Variants in DIDO1 observed in about 807,000 individuals in gnomAD.
DIDO1 encodes death inducer-obliterator 1.
Under a neutral mutation model 99.4 loss-of-function variants are expected in DIDO1, and 16 were observed. The ratio of observed to expected loss-of-function variants is 0.16; its 90% CI spans 0.11 to 0.24. The LOEUF is 0.24. Ranked by LOEUF, DIDO1 falls within the 10% of genes least tolerant of loss-of-function variation. The probability of loss-of-function intolerance (pLI) is 1.00; values close to 1 mark genes in which losing one functional copy is unlikely to be tolerated. For missense variants in DIDO1, 2,996 were observed against 3,014.0 expected (o/e 0.99, Z 0.14); for synonymous variants, 1,366 against 1,239.1 (o/e 1.10, Z -2.15).
intron 1 of DIDO1, among the ~76,000 whole-genome samples, chr20:62,926,153 A>T: frequency 6.6e-6 from 1 of 151,400 alleles, no homozygotes; most frequent in East Asian, 1.9e-4. Flanking sequence ...TCCAGCCGCG[A>T]CCACCGAGTG....
intron 1 of DIDO1, among the ~76,000 whole-genome samples, chr20:62,920,848 A>G (rs2065123440): frequency 1.3e-5 from 2 of 152,188 alleles, no homozygotes; most frequent in Non-Finnish European, 2.9e-5. Context: ...GTCATTGAAA[A>G]CAGGTTCCAC....
Position 62,878,454 on chromosome 20 carries a change from C to T in DIDO1, c.*779G>A, listed in dbSNP as rs1042861059. On this transcript the variant is annotated 3_prime_UTR_variant, in exon 16 of 16. Coordinates refer to ENST00000395343, the MANE Select transcript of DIDO1 (RefSeq NM_001193369.2). ...GGATACAGAAGAACTGCTCAGAAGG[C>T]GAAACTGGACCAACAAAACTCCTGA... 3.3e-5 allele frequency: 5 copies of T among 152,148 alleles called. No individual in the cohort carries two copies. The highest frequency in any genetic ancestry group is 7.3e-5 in the Non-Finnish European group (5 of 68,034). 9.4% of individuals were successfully genotyped at this position (152,148 alleles called of 1,614,324 possible).
At chr20:62,909,578 C>T (rs1455281754) in intron 4 of DIDO1, 121 bp downstream of exon 4, 4 of 1,212,812 alleles carry the variant, frequency 3.3e-6, no homozygotes, top group African/African-American at 1.5e-5. Context: ...AGGCAGGAAC[C>T]CGGGAGAGGC....
Position 62,880,364 on chromosome 20 carries a change from C to G in DIDO1, c.5592G>C (p.Thr1864=). ...TCCCTTCAAACTGGGCGGGGGCGCCCGTCACCTCGTTATACGGGGCGTCCT... is the reference window on the plus strand; with the variant it reads ...TCCCTTCAAACTGGGCGGGGGCGCCGGTCACCTCGTTATACGGGGCGTCCT... ...EFQDAPYNEV[T]GAPAQFEGTE... is the part of the protein sequence containing the mutation. The change falls in exon 16 of 16, where the codon ACG becomes ACC. Residue 1864 remains threonine, a synonymous_variant. Coordinates refer to ENST00000395343, the MANE Select transcript of DIDO1 (RefSeq NM_001193369.2). 6.2e-7 allele frequency: 1 copy of G among 1,612,824 alleles called. No homozygotes were observed. The highest frequency in any genetic ancestry group is 1.1e-5 in the South Asian group (1 of 91,066).
intron 4 of DIDO1, among the ~76,000 whole-genome samples, chr20:62,908,608 ATATT>A (rs1254366728): frequency 6.6e-6 from 1 of 152,212 alleles, no homozygotes; most frequent in Non-Finnish European, 1.5e-5. Context: ...CTCAAATTAA[ATATT>A]TAACATAATC....
rs756789218 is a variant in DIDO1 at position 62,881,093 on chromosome 20, C to A, written c.4863G>T (p.Ser1621=). Residue 1621 remains serine (S), a synonymous_variant, in exon 16 of 16, where the codon TCG becomes TCT. Coordinates refer to ENST00000395343, the MANE Select transcript of DIDO1 (RefSeq NM_001193369.2). This position sits in a 1 kb window ranked among gnomAD's most constrained non-coding sequence, Gnocchi z 8.3. ...EKEPASSPWA[S]GEKPPAGSEQ... is the part of the protein sequence containing the mutation. ...CGGACCCCGCTGGGGGCTTTTCGCCCGAAGCCCAGGGGGAAGAGGCTGGCT... is the reference window on the plus strand; with the variant it reads ...CGGACCCCGCTGGGGGCTTTTCGCCAGAAGCCCAGGGGGAAGAGGCTGGCT... 6.2e-7 allele frequency: 1 copy of A among 1,608,994 alleles called. No individual in the cohort carries two copies. The highest frequency in any genetic ancestry group is 8.5e-7 in the Non-Finnish European group (1 of 1,179,412).
intron 2 of DIDO1, among the ~76,000 whole-genome samples, chr20:62,912,059 C>A (rs527911032): frequency 6.6e-6 from 1 of 152,198 alleles, no homozygotes; most frequent in East Asian, 1.9e-4. Flanking sequence ...GTGAACAAGA[C>A]GCTGTGCCAG....
chr20:62,911,489 C>A lies in DIDO1; in HGVS notation c.124G>T (p.Asp42Tyr). The change falls in exon 3 of 16, where the codon GAC (aspartate) becomes TAC (tyrosine). Residue 42 changes from aspartate (D) to tyrosine (Y), a missense_variant. By Grantham distance (160) the Asp-to-Tyr change is radical. Transcript: ENST00000395343. The surrounding 1 kb of genome is among the most constrained non-coding windows in gnomAD (Gnocchi z 7.0). Reference sequence around the variant, plus strand: ...GGCTCCAGTGGGTCAGCCTCCGCGTCCCCTGCGCCCTCTCGCTTGGCGATA... The same window carrying A: ...GGCTCCAGTGGGTCAGCCTCCGCGTACCCTGCGCCCTCTCGCTTGGCGATA... ...TTIAKREGAG[D>Y]AEADPLEPPP... The A allele has an allele frequency of 6.2e-7, 1 of 1,612,734 alleles. No homozygotes were observed. Among genetic ancestry groups the A allele is most frequent in the South Asian group, 1.1e-5 (1 of 90,828 alleles).
intron 14 of DIDO1, 131 bp from the exon 15 acceptor site, chr20:62,891,286 GCTGT>G: frequency 2.8e-6 from 4 of 1,436,748 alleles, no homozygotes; most frequent in Non-Finnish European, 3.7e-6. Context: ...TCACAGAGCT[GCTGT>G]CTCAGTGAGG....
At chr20:62,889,848 A>G in intron 15 of DIDO1, 7 of 985,486 alleles carry the variant, frequency 7.1e-6, no homozygotes, top group Non-Finnish European at 8.4e-6. Context: ...GCAAATATTT[A>G]ACCCTGAAAT....
chr20:62,908,495 C>T (rs1290913052), intron 4 of DIDO1, among the ~76,000 whole-genome samples: 2 of 152,182 alleles, frequency 1.3e-5, no homozygotes, highest in Non-Finnish European at 2.9e-5. Context: ...AACTCACGCA[C>T]CACAAACAGC....
intron 1 of DIDO1, among the ~76,000 whole-genome samples, chr20:62,917,099 T>TC (rs1163627911): frequency 6.6e-6 from 1 of 151,834 alleles, no homozygotes; most frequent in Non-Finnish European, 1.5e-5. Flanking sequence ...CCTCAGCACC[T>TC]CCCCCACCCA....
At chr20:62,910,055 CGTGA>C (rs1161967934) in intron 3 of DIDO1, 35 bp from the exon 4 acceptor site, 14 of 1,582,954 alleles carry the variant, frequency 8.8e-6, no homozygotes, top group Admixed American at 1.7e-5. Flanking sequence ...AGCAATGGGA[CGTGA>C]GTGACAAGCA....
intron 15 of DIDO1, among the ~76,000 whole-genome samples, chr20:62,886,444 G>T (rs746902928): frequency 6.6e-6 from 1 of 152,212 alleles, no homozygotes; most frequent in Non-Finnish European, 1.5e-5. Context: ...CACAGGAAAA[G>T]AACTCAAGAA....
At chr20:62,937,157 G>A (rs1400843234) in intron 1 of DIDO1, among the ~76,000 whole-genome samples, 1 of 152,216 alleles carries the variant, frequency 6.6e-6, no homozygotes, top group Non-Finnish European at 1.5e-5. Context: ...TCAGAAAGAA[G>A]CCGTCCCGTG....
chr20:62,913,781 G>A (rs1422510922), intron 2 of DIDO1, among the ~76,000 whole-genome samples: 1 of 152,212 alleles, frequency 6.6e-6, no homozygotes, highest in African/African-American at 2.4e-5. Context: ...GCTGAAAAGG[G>A]CTGCTGCATC....
At chr20:62,889,069 T>C in intron 15 of DIDO1, 1 of 985,512 alleles carries the variant, frequency 1.0e-6, no homozygotes, top group Non-Finnish European at 1.2e-6. Context: ...GCAAGTGCCT[T>C]GGTGGGCGAG....
intron 15 of DIDO1, chr20:62,890,571 A>C: frequency 1.9e-6 from 2 of 1,028,768 alleles, no homozygotes; most frequent in Non-Finnish European, 2.3e-6. Flanking sequence ...TCCCTGATGG[A>C]GCCACTTCCC....
At position 62,880,778 on chromosome 20, in the gene DIDO1, C is replaced by T. The variant is rs776085305; in HGVS notation, c.5178G>A (p.Gln1726=). 6.2e-7 allele frequency: 1 copy of T among 1,612,834 alleles called. No homozygotes were observed. Among genetic ancestry groups the T allele is most frequent in the Non-Finnish European group, 8.5e-7 (1 of 1,179,958 alleles). Residue 1726 remains glutamine (Q), a synonymous_variant, in exon 16 of 16, where the codon CAG becomes CAA. Transcript: ENST00000395343. ...AGETEGDREP[Q]ARPGEGTAPL... is the part of the protein sequence containing the mutation. ...GGGCGGTGCCCTCGCCGGGTCTGGC[C>T]TGTGGCTCTCTGTCCCCCTCTGTTT...
Sources: gnomAD v4.1 joint callset for allele counts (sites outside exome capture counted in the v4.1 genomes callset) on GRCh38, gnomAD v4.1.1 for gene constraint, Gnocchi (gnomAD v3.1) non-coding constraint, MANE v1.5 for transcripts, NCBI Gene and HGNC (gene_info 2026-07-23, HGNC 2026-07-21) for gene names.